RPTOR: variants seen among roughly 807,000 people sequenced by gnomAD.
The protein encoded by RPTOR is regulatory-associated protein of mTOR.
In RPTOR, 21 loss-of-function variants were observed where a neutral mutation model predicts 169.9. The ratio of observed to expected loss-of-function variants is 0.12; its 90% confidence interval spans 0.09 to 0.18. RPTOR has a LOEUF of 0.18. Among genes scored for constraint, RPTOR ranks in the 10% least tolerant of loss-of-function variants. The probability of loss-of-function intolerance (pLI) is 1.00; values close to 1 mark genes in which losing one functional copy is unlikely to be tolerated. For synonymous variants in RPTOR, 732 were observed against 753.2 expected (o/e 0.97, Z 0.46); for missense variants, 1,133 against 1,855.9 (o/e 0.61, Z 7.16).
At chr17:80,870,743 C>A (rs907990806) in intron 13 of RPTOR, among the ~76,000 whole-genome samples, 1 of 152,190 alleles carries the variant, frequency 6.6e-6, no homozygotes, top group African/African-American at 2.4e-5. Context: ...TCTATCTTAA[C>A]AAATTTTATT....
At chr17:80,691,455 T>TGGATGTGAGTGATGTGTGTGTGC (rs1567859857) in intron 3 of RPTOR, among the ~76,000 whole-genome samples, 3 of 151,614 alleles carry the variant, frequency 2.0e-5, no homozygotes, top group African/African-American at 7.3e-5. Flanking sequence ...TGTGTGTGTG[T>TGGATGTGAGTGATGTGTGTGTGC]GCACGCATGT....
intron 13 of RPTOR, among the ~76,000 whole-genome samples, chr17:80,863,986 T>C (rs184919147): frequency 1.9e-3 from 290 of 151,354 alleles, no homozygotes; most frequent in African/African-American, 6.5e-3. Context: ...GAAAAAAAAA[T>C]TTAATTAAAA....
chr17:80,886,198 G>A (rs117788608), intron 17 of RPTOR, among the ~76,000 whole-genome samples: 80 of 152,384 alleles, frequency 5.2e-4, no homozygotes, highest in Non-Finnish European at 9.8e-4. Flanking sequence ...TTTGTCTGGA[G>A]AGCAGCTGCC....
chr17:80,894,190 C>A (rs995335492), intron 20 of RPTOR, among the ~76,000 whole-genome samples: 3 of 152,150 alleles, frequency 2.0e-5, no homozygotes, highest in Non-Finnish European at 4.4e-5. Flanking sequence ...GTGCTGGACA[C>A]CCTGGTGATG....
At chr17:80,561,263 GTA>G (rs1555713889) in intron 1 of RPTOR, among the ~76,000 whole-genome samples, 5 of 19,640 alleles carry the variant, frequency 2.5e-4, no homozygotes, top group African/African-American at 4.6e-4. Context: ...ATATATATAT[GTA>G]TATATATATA....
chr17:80,717,823 G>A (rs147086026), intron 4 of RPTOR, among the ~76,000 whole-genome samples: 3 of 152,330 alleles, frequency 2.0e-5, no homozygotes, highest in East Asian at 3.9e-4. Flanking sequence ...TCCGGGCTCA[G>A]ATTTTCCCCA....
At chr17:80,827,924 G>T (rs1298737334) in intron 9 of RPTOR, among the ~76,000 whole-genome samples, 1 of 152,240 alleles carries the variant, frequency 6.6e-6, no homozygotes, top group Non-Finnish European at 1.5e-5. Flanking sequence ...AGAAACTGGG[G>T]TGTGTGAGGA....
intron 7 of RPTOR, among the ~76,000 whole-genome samples, chr17:80,807,569 C>T (rs2067231558): frequency 6.6e-6 from 1 of 152,164 alleles, no homozygotes; most frequent in Non-Finnish European, 1.5e-5. Context: ...CCAGGCTGGT[C>T]TTGAACTCCT....
chr17:80,880,328 G>T (rs2068172261), intron 13 of RPTOR, 87 bp from the exon 14 acceptor site: 40 of 1,103,902 alleles, frequency 3.6e-5, no homozygotes, highest in Non-Finnish European at 5.0e-5. Context: ...AGAAGTCCCT[G>T]CCCTTATTCG....
At chr17:80,940,693 C>G (rs8082065) in intron 25 of RPTOR, 92 bp downstream of exon 25, 1 of 1,017,662 alleles carries the variant, frequency 9.8e-7, no homozygotes, top group Non-Finnish European at 1.5e-6. Flanking sequence ...GCGGCCCACG[C>G]ACAACCTTCT....
chr17:80,872,294 CTT>C (rs2068060118), intron 13 of RPTOR, among the ~76,000 whole-genome samples: 1 of 152,230 alleles, frequency 6.6e-6, no homozygotes, highest in African/African-American at 2.4e-5. Flanking sequence ...AGAATGGCCT[CTT>C]TTTAGCCATC....
chr17:80,950,865 G>A (rs1195438624), intron 28 of RPTOR, among the ~76,000 whole-genome samples: 1 of 152,238 alleles, frequency 6.6e-6, no homozygotes, highest in East Asian at 1.9e-4. Context: ...TTTTTCTGGG[G>A]TCGCTCAGAG....
At chr17:80,920,039 G>A (rs188944605) in intron 21 of RPTOR, among the ~76,000 whole-genome samples, 111 of 152,324 alleles carry the variant, frequency 7.3e-4, no homozygotes, top group African/African-American at 2.5e-3. Flanking sequence ...TGCCATTGCC[G>A]TGCCCTCTCT....
intron 1 of RPTOR, among the ~76,000 whole-genome samples, chr17:80,597,693 T>A (rs2065154131): frequency 6.6e-6 from 1 of 150,418 alleles, no homozygotes; most frequent in South Asian, 2.1e-4. Flanking sequence ...TGTTTATTTT[T>A]TGTAGAGACA....
chr17:80,611,924 A>T (rs566472070), intron 1 of RPTOR, among the ~76,000 whole-genome samples: 1 of 152,132 alleles, frequency 6.6e-6, no homozygotes, highest in African/African-American at 2.4e-5. Flanking sequence ...GTGTTTCCTC[A>T]TGGCATCATT....
intron 6 of RPTOR, among the ~76,000 whole-genome samples, chr17:80,789,924 A>G (rs1318984213): frequency 6.6e-6 from 1 of 152,236 alleles, no homozygotes; most frequent in East Asian, 1.9e-4. Flanking sequence ...TGGACTCTAG[A>G]AATCCCAATC....
chr17:80,702,125 C>A (rs1186601692), intron 3 of RPTOR, among the ~76,000 whole-genome samples: 1 of 152,116 alleles, frequency 6.6e-6, no homozygotes, highest in East Asian at 1.9e-4. Flanking sequence ...GCCTTATTAG[C>A]ATATAAATTT....
At chr17:80,617,222 G>A (rs1223852426) in intron 1 of RPTOR, among the ~76,000 whole-genome samples, 3 of 152,154 alleles carry the variant, frequency 2.0e-5, no homozygotes, top group Non-Finnish European at 4.4e-5. Context: ...TTTTCATTTG[G>A]TACGACCTTA....
At chr17:80,840,798 A>G (rs2067633164) in intron 10 of RPTOR, among the ~76,000 whole-genome samples, 1 of 103,974 alleles carries the variant, frequency 9.6e-6, no homozygotes, top group African/African-American at 3.9e-5. Context: ...CACTCACCGC[A>G]CGGCAGCTCA....
Sources: gnomAD v4.1 joint callset for allele counts (sites outside exome capture counted in the v4.1 genomes callset) on GRCh38, gnomAD v4.1.1 for gene constraint, MANE v1.5 for transcripts, NCBI Gene and HGNC (gene_info 2026-07-23, HGNC 2026-07-21) for gene names.